The following FRMD1 variants were observed in gnomAD, a reference collection of about 807,000 sequenced individuals.
The protein encoded by FRMD1 is FERM domain-containing protein 1.
Under a neutral mutation model 54.9 loss-of-function variants are expected in FRMD1, and 51 were observed. The observed-to-expected ratio is 0.93, with a 90% CI of 0.74 to 1.17. The LOEUF is 1.17. Ranked by LOEUF, FRMD1 falls within the 50% of genes most tolerant of loss-of-function variation. The pLI is 0.00. For missense variants in FRMD1, 729 were observed against 743.0 expected, an observed-to-expected ratio of 0.98 and a Z score of 0.22; for synonymous variants, 324 against 306.4, an observed-to-expected ratio of 1.06 and a Z score of -0.60.
rs3832455 is a variant in FRMD1 at position 168,056,637 on chromosome 6, G to GATA, written c.*459_*460insTAT. The GATA allele has an allele frequency of 0.88, 135,691 of 154,206 alleles. 59,741 individuals are homozygous for GATA. The highest frequency in any genetic ancestry group is 0.91 in the Non-Finnish European group (62,949 of 69,412). The allele number at this position is 154,206 out of a possible 1,614,324, so 9.6% of individuals were successfully genotyped here. ...AGGAACCTGGGTCCTGCACAGTGAT[G>GATA]ACTGTGAACTCCGGCTTGGGAGCTC... is the stretch of plus-strand genomic sequence containing the variant. On this transcript the variant is annotated 3_prime_UTR_variant, in exon 11 of 11. Coordinates refer to ENST00000283309, the MANE Select transcript of FRMD1 (RefSeq NM_024919.6).
At chr6:168,058,616 T>C (rs1799545349) in intron 10 of FRMD1, among the ~76,000 whole-genome samples, 1 of 152,204 alleles carries the variant, frequency 6.6e-6, no homozygotes, top group Non-Finnish European at 1.5e-5. Context: ...TGAGCCCACC[T>C]GTTCCCCACC....
In FRMD1 at chr6:168,075,319, C is replaced by G; in HGVS notation, c.230G>C (p.Arg77Pro). The G allele has an allele frequency of 6.2e-7, 1 of 1,613,030 alleles. No individual in the cohort carries two copies. The highest frequency in any genetic ancestry group is 8.5e-7 in the Non-Finnish European group (1 of 1,179,980). Residue 77 changes from arginine to proline, a missense_variant, in exon 2 of 11, where the codon CGC becomes CCC. Physicochemically the swap from Arg to Pro is moderately radical, Grantham distance 103. Transcript: ENST00000283309. ...RLAVGVKATGRELFQQVCNVA... is the reference protein window; with the variant it reads ...RLAVGVKATGPELFQQVCNVA... The stretch of plus-strand genomic sequence containing the variant: ...GTTGCACACTTGCTGGAAAAGCTCG[C>G]GGCCAGTAGCCTTCACCTGCAAAAG...
intron 1 of FRMD1, among the ~76,000 whole-genome samples, chr6:168,092,244 T>C (rs774492145): frequency 1.8e-4 from 27 of 152,344 alleles, no homozygotes; most frequent in Non-Finnish European, 2.6e-4. Flanking sequence ...TCACAGCAGC[T>C]CCTCCACCCC....
At chr6:168,073,118 C>T (rs887034215) in intron 2 of FRMD1, among the ~76,000 whole-genome samples, 18 of 152,190 alleles carry the variant, frequency 1.2e-4, no homozygotes, top group African/African-American at 4.1e-4. Flanking sequence ...AGTATTCAAC[C>T]TTGACAGCAA....
chr6:168,087,050 C>G (rs570573800), intron 1 of FRMD1, among the ~76,000 whole-genome samples: 33 of 152,186 alleles, frequency 2.2e-4, no homozygotes, highest in African/African-American at 7.9e-4. Context: ...TTTTCAACCA[C>G]TGATTTCAGT....
intron 2 of FRMD1, among the ~76,000 whole-genome samples, chr6:168,073,699 A>G (rs938426237): frequency 1.3e-5 from 2 of 152,302 alleles, no homozygotes; most frequent in East Asian, 3.9e-4. Flanking sequence ...ATGGAACCCC[A>G]GGGCACCACA....
At chr6:168,068,597 T>G (rs1160295061) in intron 2 of FRMD1, among the ~76,000 whole-genome samples, 1 of 152,236 alleles carries the variant, frequency 6.6e-6, no homozygotes, top group Non-Finnish European at 1.5e-5. Flanking sequence ...GTTGTACTAT[T>G]TATTGTTATT....
At chr6:168,057,459 G>T (rs1017796955) in intron 10 of FRMD1, 120 bp from the exon 11 acceptor site, 2 of 1,435,086 alleles carry the variant, frequency 1.4e-6, no homozygotes, top group African/African-American at 1.4e-5. Flanking sequence ...ACCCTGCGCC[G>T]CAGTGCATGG....
At chr6:168,089,870 T>C (rs1029892090) in intron 1 of FRMD1, among the ~76,000 whole-genome samples, 3 of 152,188 alleles carry the variant, frequency 2.0e-5, no homozygotes, top group African/African-American at 7.2e-5. Flanking sequence ...GACGCTCCCA[T>C]GGAGGGGCAC....
chr6:168,063,912 T>G (rs916732410), intron 5 of FRMD1, among the ~76,000 whole-genome samples, 156 bp from the exon 6 acceptor site: 1 of 152,110 alleles, frequency 6.6e-6, no homozygotes, highest in Non-Finnish European at 1.5e-5. Flanking sequence ...GAACCAGAGA[T>G]GAAGTCTCAG....
upstream of FRMD1, among the ~76,000 whole-genome samples, chr6:168,084,653 G>A (rs983942523): frequency 2.6e-5 from 4 of 152,226 alleles, no homozygotes; most frequent in Middle Eastern, 3.2e-3. Flanking sequence ...GGCTCCCTCC[G>A]TGAGAGCGCC....
intron 1 of FRMD1, among the ~76,000 whole-genome samples, chr6:168,091,774 C>T (rs1000802021): frequency 1.3e-5 from 2 of 152,226 alleles, no homozygotes; most frequent in South Asian, 2.1e-4. Flanking sequence ...GATGCTACTC[C>T]GCGGAAGCGA....
rs1799873184 is a variant in FRMD1, at chr6:168,063,596, T to C, written c.804+5A>G. The C allele has an allele frequency of 6.2e-7, 1 of 1,607,420 alleles. No homozygotes were observed. The highest frequency in any genetic ancestry group is 1.7e-5 in the Admixed American group (1 of 59,506). Reference sequence around the variant, plus strand: ...CAGCCCATCGCTGGCCGCCCTGGGCTCGACCTTGTGCAGCCTGAAGAAGTG... The same window carrying C: ...CAGCCCATCGCTGGCCGCCCTGGGCCCGACCTTGTGCAGCCTGAAGAAGTG... On this transcript the variant is annotated splice_donor_5th_base_variant and intron_variant, in intron 6 of 10. Transcript: ENST00000283309.
chr6:168,079,567 C>T (rs1374570403), upstream of FRMD1, among the ~76,000 whole-genome samples: 1 of 152,116 alleles, frequency 6.6e-6, no homozygotes, highest in Admixed American at 6.5e-5. Flanking sequence ...ACGAGGAGGG[C>T]GGGAGGAAGG....
chr6:168,067,046 AGGCGGGCTTCG>A (rs780241952), intron 3 of FRMD1: 15 of 754,114 alleles, frequency 2.0e-5, no homozygotes, highest in Non-Finnish European at 3.2e-5. Context: ...ACATCTGCAA[AGGCGGGCTTCG>A]GGCGGGCACA....
intron 6 of FRMD1, among the ~76,000 whole-genome samples, 159 bp from the exon 7 acceptor site, chr6:168,063,118 C>G (rs981324400): frequency 6.6e-6 from 1 of 152,216 alleles, no homozygotes; most frequent in African/African-American, 2.4e-5. Flanking sequence ...AGCATCAGAT[C>G]AAAGGCATAG....
chr6:168,080,627 G>A (rs1175177587), upstream of FRMD1, among the ~76,000 whole-genome samples: 1 of 152,170 alleles, frequency 6.6e-6, no homozygotes, highest in African/African-American at 2.4e-5. Context: ...CTGGGCGCAG[G>A]ACAGTGGCAG....
chr6:168,078,575 C>CGGCCACCCGG, intron 1 of FRMD1, among the ~76,000 whole-genome samples: 1 of 140,546 alleles, frequency 7.1e-6, no homozygotes, highest in South Asian at 2.4e-4. Context: ...CTCACCCTCA[C>CGGCCACCCGG]AGCCCTGCTC....
chr6:168,090,518 T>G (rs867608433), intron 1 of FRMD1, among the ~76,000 whole-genome samples: 19 of 152,362 alleles, frequency 1.2e-4, no homozygotes, highest in Middle Eastern at 6.8e-3. Context: ...ATCTTCTCCC[T>G]GTTCTCACTG....
Sources: gnomAD v4.1 joint callset for allele counts (sites outside exome capture counted in the v4.1 genomes callset) on GRCh38, gnomAD v4.1.1 for gene constraint, MANE v1.5 for transcripts, NCBI Gene and HGNC (gene_info 2026-07-23, HGNC 2026-07-21) for gene names.